The following RESF1 variants were observed in gnomAD, a reference collection of about 807,000 sequenced individuals.
RESF1 encodes the protein retroelement silencing factor 1.
In RESF1, 65 loss-of-function variants were observed where a neutral mutation model predicts 134.7. The ratio of observed to expected loss-of-function variants is 0.48; its 90% CI spans 0.40 to 0.59. The LOEUF (loss-of-function observed/expected upper bound fraction) is 0.59. Among genes scored for constraint, RESF1 ranks in the 20% least tolerant of loss-of-function variants. The pLI is 0.00. For missense variants in RESF1, 2,274 were observed against 2,002.7 expected (o/e 1.14, Z -2.59); for synonymous variants, 762 against 702.2 (o/e 1.09, Z -1.35).
At position 31,991,899 on chromosome 12, in the gene RESF1, C is replaced by T. The variant is rs75907391; in HGVS notation, c.5087-479C>T. ...TCATTATGAAAAAAGGACACTGAAG[C>T]TAATGTAACACTGAAATGGTCTCAA... is the stretch of plus-strand genomic sequence containing the variant. On this transcript the variant is annotated intron_variant, in intron 5 of 5. Coordinates refer to ENST00000312561, the MANE Select transcript of RESF1 (RefSeq NM_018169.4). 8.7e-4 allele frequency among the ~76,000 whole-genome samples: 133 copies of T among 152,238 alleles called. 1 individual carries two copies. Among genetic ancestry groups the T allele is most frequent in the African/African-American group, 3.1e-3 (130 of 41,558 alleles).
intron 5 of RESF1, among the ~76,000 whole-genome samples, chr12:31,988,631 T>C (rs1374617625): frequency 2.0e-5 from 3 of 152,094 alleles, no homozygotes; most frequent in Non-Finnish European, 1.5e-5. Context: ...CGGTCCTAGC[T>C]GTGTTATTTG....
Position 31,991,197 on chromosome 12 carries a change from C to CAAA in RESF1, c.5087-1170_5087-1168dup, listed in dbSNP as rs34643110. Among the ~76,000 whole-genome samples, 514 of 139,392 alleles carry CAAA rather than the reference C, an allele frequency of 3.7e-3. 3 individuals are homozygous for CAAA. The highest frequency in any genetic ancestry group is 0.011 in the African/African-American group (416 of 37,690). 91.4% of individuals were successfully genotyped at this position (139,392 alleles called of 152,430 possible). On this transcript the variant is annotated intron_variant, in intron 5 of 5. Coordinates refer to ENST00000312561, the MANE Select transcript of RESF1 (RefSeq NM_018169.4). ...GGGCAACAGAGCCAAGACCCTGTCT[C>CAAA]AAAAAAAAAAAAACCCACAGGAGAA...
At chr12:31,966,352 G>A (rs1939396973) in intron 2 of RESF1, among the ~76,000 whole-genome samples, 1 of 152,144 alleles carries the variant, frequency 6.6e-6, no homozygotes, top group Non-Finnish European at 1.5e-5. Context: ...ATTCTCGTAG[G>A]GTAACTGGCT....
chr12:31,981,371 A>C lies in RESF1; in HGVS notation c.416A>C (p.Gln139Pro), dbSNP rs1408654613. ...CATATAGGGGCAACTGTATCTCATC[A>C]AACTGATTTTGGAGCTAACGTACCC... The part of the protein sequence containing the change: ...HSHIGATVSH[Q>P]TDFGANVPNM... Residue 139 changes from glutamine (Q) to proline (P), a missense_variant, in exon 4 of 6, where the codon CAA becomes CCA. Transcript: ENST00000312561. 6.2e-7 allele frequency: 1 copy of C among 1,614,184 alleles called. No individual in the cohort carries two copies. Among genetic ancestry groups the C allele is most frequent in the South Asian group, 1.1e-5 (1 of 91,078 alleles).
At chr12:31,973,969 G>T (rs1027862290) in intron 3 of RESF1, among the ~76,000 whole-genome samples, 1 of 152,032 alleles carries the variant, frequency 6.6e-6, no homozygotes, top group Non-Finnish European at 1.5e-5. Context: ...CCCTGACTTC[G>T]CCAGACCTGT....
intron 1 of RESF1, 111 bp from the exon 2 acceptor site, chr12:31,960,666 G>T (rs568325376): frequency 1.4e-4 from 22 of 152,134 alleles, no homozygotes; most frequent in Non-Finnish European, 2.8e-4. Context: ...AGTAAACTTA[G>T]CATGCTTTCA....
chr12:31,980,139 C>T (rs1461173424), intron 3 of RESF1, among the ~76,000 whole-genome samples: 6 of 113,480 alleles, frequency 5.3e-5, no homozygotes, highest in African/African-American at 1.6e-4. Flanking sequence ...GAAACAGAGT[C>T]TTCACTCTGT....
In RESF1 at chr12:31,985,607, A is replaced by G. The variant is rs1270887257; in HGVS notation, c.4652A>G (p.Asp1551Gly). The G allele has an allele frequency of 2.5e-6, 4 of 1,605,426 alleles. No homozygotes were observed. Among genetic ancestry groups the G allele is most frequent in the East Asian group, 2.2e-5 (1 of 44,876 alleles). Residue 1551 changes from aspartate (D) to glycine (G), a missense_variant, in exon 4 of 6, where the codon GAT (aspartate) becomes GGT (glycine). Coordinates refer to ENST00000312561, the MANE Select transcript of RESF1 (RefSeq NM_018169.4). The stretch of plus-strand genomic sequence containing the variant: ...AAGCAGCCTGATAAAATATGGATTG[A>G]TAAGACTAAATTAGACAAATTAACC... ...GGKQPDKIWI[D>G]KTKLDKLTNI...
At position 31,983,979 on chromosome 12, in the gene RESF1, C is replaced by T. The variant is rs369430402; in HGVS notation, c.3024C>T (p.Asn1008=). ...ATGCCACTGAAAAAAGCACAGCTAA[C>T]GATACGTGCTCGTCAGCTGCTATTC... ...LEHATEKSTA[N]DTCSSAAIQE... is the part of the protein sequence containing the mutation. Residue 1008 remains asparagine (N), a synonymous_variant, in exon 4 of 6, where the codon AAC becomes AAT. Coordinates refer to ENST00000312561, the MANE Select transcript of RESF1 (RefSeq NM_018169.4). The T allele has an allele frequency of 1.1e-4, 185 of 1,613,622 alleles. No homozygotes were observed. Among genetic ancestry groups the T allele is most frequent in the Middle Eastern group, 8.2e-4 (5 of 6,082 alleles).
chr12:31,964,364 G>A (rs139462285), intron 2 of RESF1, among the ~76,000 whole-genome samples: 2 of 152,028 alleles, frequency 1.3e-5, no homozygotes, highest in East Asian at 3.9e-4. Context: ...TCATCATTTA[G>A]CTCCCACTTA....
chr12:31,992,330 A>G, intron 5 of RESF1, 48 bp from the exon 6 acceptor site: 1 of 1,465,628 alleles, frequency 6.8e-7, no homozygotes, highest in Middle Eastern at 1.8e-4. Flanking sequence ...TATATTGATC[A>G]CAGCTAACAT....
chr12:31,963,659 C>T (rs181917431), intron 2 of RESF1, among the ~76,000 whole-genome samples: 5 of 152,198 alleles, frequency 3.3e-5, no homozygotes, highest in Non-Finnish European at 7.4e-5. Flanking sequence ...CCCATCACCA[C>T]GTCAATTTAA....
At position 31,968,518 on chromosome 12, in the gene RESF1, G is replaced by A. The variant is rs368428139; in HGVS notation, c.-246-1671G>A. Among the ~76,000 whole-genome samples, 434 of 150,394 alleles carry A rather than the reference G, an allele frequency of 2.9e-3. 1 individual carries two copies. Among genetic ancestry groups the A allele is most frequent in the African/African-American group, 1.0e-2 (407 of 40,898 alleles). ...AGCTGGACTGCAGTGGCGCTATCCC[G>A]GCTCACTGCAAGCTCCGCCTCTTGG... is the stretch of plus-strand genomic sequence containing the variant. On this transcript the variant is annotated intron_variant, in intron 2 of 5. Coordinates refer to ENST00000312561, the MANE Select transcript of RESF1 (RefSeq NM_018169.4).
At position 31,984,276 on chromosome 12, in the gene RESF1, A is replaced by T; in HGVS notation, c.3321A>T (p.Thr1107=). The change falls in exon 4 of 6, where the codon ACA becomes ACT. Residue 1107 remains threonine (T), a synonymous_variant. Coordinates refer to ENST00000312561, the MANE Select transcript of RESF1 (RefSeq NM_018169.4). ...SKDPADQIQI[T]ILSSEQMKEI... ...ACCCAGCAGATCAAATACAAATTAC[A>T]ATATTAAGCTCAGAGCAAATGAAAG... 6.2e-7 allele frequency: 1 copy of T among 1,613,846 alleles called. No homozygotes were observed. The highest frequency in any genetic ancestry group is 1.3e-5 in the African/African-American group (1 of 75,014).
Position 31,983,002 on chromosome 12 carries a change from CAACCTTCAG to C in RESF1, c.2049_2057del (p.Gln683_Asp686delinsHis), listed in dbSNP as rs1478369661. The C allele has an allele frequency of 1.2e-6, 2 of 1,613,982 alleles. No homozygotes were observed. Among genetic ancestry groups the C allele is most frequent in the African/African-American group, 2.7e-5 (2 of 74,944 alleles). ...AACCTGTCTTTCCCTGTGGAAAAAG[CAACCTTCAG>C]ATACTGCAAAAGAAAAGGAGTGTGA... On this transcript the variant is annotated inframe_deletion, in exon 4 of 6. Coordinates refer to ENST00000312561, the MANE Select transcript of RESF1 (RefSeq NM_018169.4).
At chr12:31,977,699 T>C (rs889296642) in intron 3 of RESF1, among the ~76,000 whole-genome samples, 2 of 152,168 alleles carry the variant, frequency 1.3e-5, no homozygotes, top group African/African-American at 4.8e-5. Flanking sequence ...TATTCATGCT[T>C]GTTTTGCATT....
At chr12:31,976,364 CAT>C (rs1464916185) in intron 3 of RESF1, among the ~76,000 whole-genome samples, 3 of 152,110 alleles carry the variant, frequency 2.0e-5, no homozygotes, top group African/African-American at 4.8e-5. Context: ...TTGATAAACA[CAT>C]ATTTTGTATG....
intron 5 of RESF1, among the ~76,000 whole-genome samples, chr12:31,990,424 CATTTTTATTTACTT>C (rs973588755): frequency 2.2e-4 from 34 of 152,124 alleles, no homozygotes; most frequent in Non-Finnish European, 3.4e-4. Context: ...GCTACATGGG[CATTTTTATTTACTT>C]ATTTTTATTT....
At chr12:31,969,293 T>A (rs1939459861) in intron 2 of RESF1, among the ~76,000 whole-genome samples, 2 of 152,138 alleles carry the variant, frequency 1.3e-5, no homozygotes, top group South Asian at 4.2e-4. Flanking sequence ...GGCTTGAGCC[T>A]CAGGAGTTCA....
Sources: gnomAD v4.1 joint callset for allele counts (sites outside exome capture counted in the v4.1 genomes callset) on GRCh38, gnomAD v4.1.1 for gene constraint, MANE v1.5 for transcripts, NCBI Gene and HGNC (gene_info 2026-07-23, HGNC 2026-07-21) for gene names.